The following CARS2 variants were observed in gnomAD, a reference collection of about 807,000 sequenced individuals.
The protein encoded by CARS2 is probable cysteine--tRNA ligase, mitochondrial.
Under a neutral mutation model 68.8 loss-of-function variants are expected in CARS2, and 52 were observed. That is an observed-to-expected ratio of 0.76 (90% CI 0.61 to 0.95). CARS2 has a LOEUF of 0.95. CARS2 is among the 40% of genes least tolerant of loss of function. CARS2 has a pLI of 0.00. For missense variants in CARS2, 780 were observed against 754.2 expected (o/e 1.03, Z -0.40); for synonymous variants, 314 against 303.6 (o/e 1.03, Z -0.36).
chr13:110,681,828 G>T (rs1022001253), intron 6 of CARS2, among the ~76,000 whole-genome samples: 1 of 152,172 alleles, frequency 6.6e-6, no homozygotes, highest in Non-Finnish European at 1.5e-5. Context: ...TCTGAGAAGG[G>T]TGCACAGTGT....
At chr13:110,693,878 G>A (rs1339779717) in intron 3 of CARS2, among the ~76,000 whole-genome samples, 1 of 152,080 alleles carries the variant, frequency 6.6e-6, no homozygotes, top group Non-Finnish European at 1.5e-5. Flanking sequence ...ACAGGAGCCC[G>A]CTGGCTGGGC....
At chr13:110,652,438 A>G (rs561746378) in intron 9 of CARS2, among the ~76,000 whole-genome samples, 177 of 152,392 alleles carry the variant, frequency 1.2e-3, no homozygotes, top group African/African-American at 3.9e-3. Flanking sequence ...AGCAAAACAC[A>G]CACAACTGAA....
chr13:110,687,995 G>T lies in CARS2; in HGVS notation c.417C>A (p.Leu139=). The part of the protein sequence containing the change: ...ANEMNISPAS[L]ASLYEEDFKQ... ...TGAAGTCTTCCTCATAAAGACTGGC[G>T]AGGGAAGCGGGGGAAATATTCATCT... Residue 139 remains leucine (L), a synonymous_variant, in exon 4 of 15, where the codon CTC becomes CTA. Coordinates refer to ENST00000257347, the MANE Select transcript of CARS2 (RefSeq NM_024537.4). 6.2e-7 allele frequency: 1 copy of T among 1,610,872 alleles called. No homozygotes were observed. The highest frequency in any genetic ancestry group is 8.5e-7 in the Non-Finnish European group (1 of 1,178,466).
intron 7 of CARS2, among the ~76,000 whole-genome samples, chr13:110,669,918 C>T (rs763724216): frequency 3.3e-4 from 51 of 152,336 alleles, no homozygotes; most frequent in Non-Finnish European, 6.0e-4. Flanking sequence ...TTATATCCTG[C>T]GCCTGGCTCG....
At chr13:110,661,535 G>A (rs1160133626) in intron 9 of CARS2, among the ~76,000 whole-genome samples, 4 of 152,286 alleles carry the variant, frequency 2.6e-5, no homozygotes, top group South Asian at 4.1e-4. Flanking sequence ...CTAATCATTC[G>A]TGTGTTCGCT....
chr13:110,671,321 C>T (rs1300985404), intron 7 of CARS2, among the ~76,000 whole-genome samples: 4 of 152,270 alleles, frequency 2.6e-5, no homozygotes, highest in African/African-American at 4.8e-5. Flanking sequence ...AGAGAAAGGT[C>T]GGGTTACCCA....
intron 2 of CARS2, among the ~76,000 whole-genome samples, chr13:110,704,983 T>G (rs1488617439): frequency 1.3e-5 from 2 of 152,180 alleles, no homozygotes; most frequent in Non-Finnish European, 2.9e-5. Flanking sequence ...TTCCAATACC[T>G]CTTCAATGTG....
chr13:110,708,152 T>TGTTG (rs963999792), upstream of CARS2, among the ~76,000 whole-genome samples: 1 of 140,972 alleles, frequency 7.1e-6, no homozygotes, highest in Admixed American at 6.8e-5. Flanking sequence ...ACTTGGGTTT[T>TGTTG]GTTTGTTTTG....
intron 9 of CARS2, among the ~76,000 whole-genome samples, chr13:110,657,777 T>C (rs2062407064): frequency 6.6e-6 from 1 of 152,172 alleles, no homozygotes; most frequent in Non-Finnish European, 1.5e-5. Context: ...ATGCCACCTC[T>C]CAGATGCTTA....
chr13:110,646,018 G>A lies in CARS2; in HGVS notation c.1266C>T (p.Ala422=), dbSNP rs773655449. The part of the protein sequence containing the change: ...DDFDTPRVVD[A]ILGLAHHGNG... ...TCCCGTGGTGTGCAAGGCCCAGGAT[G>A]GCATCAACCACCCTGGGTGTGTCAA... Residue 422 remains alanine (A), a synonymous_variant, in exon 12 of 15, where the codon GCC becomes GCT. Coordinates refer to ENST00000257347, the MANE Select transcript of CARS2 (RefSeq NM_024537.4). The A allele has an allele frequency of 1.1e-5, 17 of 1,613,790 alleles. No individual in the cohort carries two copies. The African/African-American group carries it at 2.1e-4, about 20-fold the overall frequency.
At chr13:110,647,323 G>A in intron 10 of CARS2, 84 bp from the exon 11 acceptor site, 1 of 1,510,428 alleles carries the variant, frequency 6.6e-7, no homozygotes, top group Non-Finnish European at 9.0e-7. Context: ...GTTTTCTGAG[G>A]GCACTGCCAC....
intron 11 of CARS2, chr13:110,646,898 G>A: frequency 1.8e-6 from 1 of 557,488 alleles, no homozygotes; most frequent in Non-Finnish European, 3.1e-6. Flanking sequence ...GTCCCCTGTG[G>A]CCTCTGGGGA....
chr13:110,664,185 T>C, intron 8 of CARS2: 2 of 985,392 alleles, frequency 2.0e-6, no homozygotes, highest in Non-Finnish European at 2.4e-6. Flanking sequence ...CAGAAGACTC[T>C]TCCTCTTTTT....
At chr13:110,662,343 A>T (rs1473626657) in intron 9 of CARS2, among the ~76,000 whole-genome samples, 5 of 115,406 alleles carry the variant, frequency 4.3e-5, no homozygotes, top group Admixed American at 9.5e-5. Context: ...GCGTCATGCA[A>T]CCCCATGGCC....
At position 110,667,410 on chromosome 13, in the gene CARS2, A is replaced by G; in HGVS notation, c.849T>C (p.His283=). ...SGGIDLAFPH[H]ENEIAQCEVF... Reference sequence around the variant, plus strand: ...CTTCGCACTGTGCAATTTCGTTTTCATGATGTGGAAAAGCTAAATCTATCC... The same window carrying G: ...CTTCGCACTGTGCAATTTCGTTTTCGTGATGTGGAAAAGCTAAATCTATCC... Residue 283 remains histidine (H), a synonymous_variant, in exon 8 of 15, where the codon CAT becomes CAC. Transcript: ENST00000257347. 6.2e-7 allele frequency: 1 copy of G among 1,613,980 alleles called. No homozygotes were observed. Among genetic ancestry groups the G allele is most frequent in the South Asian group, 1.1e-5 (1 of 91,062 alleles).
intron 6 of CARS2, among the ~76,000 whole-genome samples, chr13:110,679,117 C>T (rs933439752): frequency 4.1e-5 from 6 of 145,518 alleles, no homozygotes; most frequent in Admixed American, 1.4e-4. Context: ...GGAGCAGATG[C>T]GTTCATTACC....
Position 110,705,839 on chromosome 13 carries a change from C to T in CARS2, c.224+31G>A. 1.3e-6 allele frequency: 2 copies of T among 1,536,202 alleles called. No individual in the cohort carries two copies. Among genetic ancestry groups the T allele is most frequent in the Non-Finnish European group, 8.7e-7 (1 of 1,143,154 alleles). On this transcript the variant is annotated intron_variant, in intron 1 of 14. Coordinates refer to ENST00000257347, the MANE Select transcript of CARS2 (RefSeq NM_024537.4). The surrounding 1 kb of genome is among the most constrained non-coding windows in gnomAD (Gnocchi z 4.0). ...TGGGAAGTCTCCGCCACGATCGGCC[C>T]CCGCCCGTGCCCCAGTCCCGCGCGG...
chr13:110,684,662 C>T (rs2063247554), intron 5 of CARS2, among the ~76,000 whole-genome samples: 1 of 151,660 alleles, frequency 6.6e-6, no homozygotes, highest in Admixed American at 6.6e-5. Context: ...ATTAAGCTGG[C>T]ACTCGGTGCT....
rs753033768 is a variant in CARS2 at position 110,701,477 on chromosome 13, A to C, written c.354T>G (p.Ile118Met). The change falls in exon 3 of 15, where the codon ATT becomes ATG. Residue 118 changes from isoleucine to methionine, a missense_variant. Physicochemically the swap from Ile to Met is conservative, Grantham distance 10. Transcript: ENST00000257347. The part of the protein sequence containing the change: ...FGCSIVMVMG[I>M]TDVDDKIIKR... Reference sequence around the variant, plus strand: ...TGATGATTTTATCATCTACATCTGTAATACCCATCACCATGACTATGCTGC... The same window carrying C: ...TGATGATTTTATCATCTACATCTGTCATACCCATCACCATGACTATGCTGC... 6.3e-7 allele frequency: 1 copy of C among 1,576,854 alleles called. No individual in the cohort carries two copies. The highest frequency in any genetic ancestry group is 1.1e-5 in the South Asian group (1 of 90,372).
Sources: gnomAD v4.1 joint callset for allele counts (sites outside exome capture counted in the v4.1 genomes callset) on GRCh38, gnomAD v4.1.1 for gene constraint, Gnocchi (gnomAD v3.1) non-coding constraint, MANE v1.5 for transcripts, NCBI Gene and HGNC (gene_info 2026-07-23, HGNC 2026-07-21) for gene names.